The following PLEKHA2 variants were observed in gnomAD, a reference collection of about 807,000 sequenced individuals.
The protein encoded by PLEKHA2 is pleckstrin homology domain containing A2, also known as pleckstrin homology domain-containing family A member 2.
A neutral mutation model predicts 53.2 loss-of-function variants in PLEKHA2; 28 were observed. The ratio of observed to expected loss-of-function variants is 0.53; its 90% CI spans 0.39 to 0.72. The LOEUF is 0.72. Ranked by LOEUF, PLEKHA2 falls within the 30% of genes least tolerant of loss-of-function variation. PLEKHA2 has a pLI of 0.00. For missense variants in PLEKHA2, 426 were observed against 537.9 expected (o/e 0.79, Z 2.06); for synonymous variants, 193 against 196.4 (o/e 0.98, Z 0.14).
chr8:38,954,082 C>G (rs1402980357), intron 9 of PLEKHA2, among the ~76,000 whole-genome samples: 1 of 152,140 alleles, frequency 6.6e-6, no homozygotes, highest in Non-Finnish European at 1.5e-5. Context: ...AATCTGCAGT[C>G]TTTAGAGACA....
intron 10 of PLEKHA2, among the ~76,000 whole-genome samples, chr8:38,967,879 C>T (rs887289990): frequency 2.6e-5 from 4 of 152,062 alleles, no homozygotes; most frequent in East Asian, 1.9e-4. Context: ...CCAGGCTGGT[C>T]GTGAACTCCT....
chr8:38,912,357 TGA>T (rs1833966792), intron 1 of PLEKHA2, among the ~76,000 whole-genome samples: 1 of 152,112 alleles, frequency 6.6e-6, no homozygotes, highest in Non-Finnish European at 1.5e-5. Flanking sequence ...CAGAGTGTTG[TGA>T]GAGTTAGAAA....
intron 1 of PLEKHA2, among the ~76,000 whole-genome samples, chr8:38,912,158 G>A (rs563097276): frequency 1.1e-4 from 16 of 152,176 alleles, no homozygotes; most frequent in Middle Eastern, 3.4e-3. Context: ...AAAATTAGCC[G>A]GATGTGGTGG....
intron 10 of PLEKHA2, among the ~76,000 whole-genome samples, chr8:38,962,343 A>G (rs1472382870): frequency 1.3e-5 from 2 of 152,162 alleles, no homozygotes; most frequent in East Asian, 1.9e-4. Flanking sequence ...GCAAAAGTAA[A>G]CCAAAAGAAA....
chr8:38,948,313 G>A (rs1272679430), intron 5 of PLEKHA2, among the ~76,000 whole-genome samples: 1 of 152,140 alleles, frequency 6.6e-6, no homozygotes, highest in African/African-American at 2.4e-5. Flanking sequence ...GAGTCAGGCA[G>A]TCCTAGAGCC....
chr8:38,912,146 C>T (rs753293564), intron 1 of PLEKHA2, among the ~76,000 whole-genome samples: 4 of 151,992 alleles, frequency 2.6e-5, no homozygotes, highest in Non-Finnish European at 2.9e-5. Context: ...ACTAAAAATA[C>T]AAAAATTAGC....
chr8:38,908,979 C>G (rs1323465415), intron 1 of PLEKHA2, among the ~76,000 whole-genome samples: 1 of 152,074 alleles, frequency 6.6e-6, no homozygotes, highest in Non-Finnish European at 1.5e-5. Flanking sequence ...CCCATCTCTA[C>G]TAAAAATACA....
intron 3 of PLEKHA2, among the ~76,000 whole-genome samples, chr8:38,940,170 G>C (rs1834576620): frequency 1.3e-5 from 2 of 151,984 alleles, no homozygotes; most frequent in African/African-American, 4.8e-5. Flanking sequence ...GACCGAGGTG[G>C]GTGGATCACC....
At chr8:38,952,439 G>T in intron 7 of PLEKHA2, 127 bp downstream of exon 7, 1 of 1,427,202 alleles carries the variant, frequency 7.0e-7, no homozygotes, top group Non-Finnish European at 9.4e-7. Flanking sequence ...CTCCACCTTT[G>T]AGGGTGAGAT....
Position 38,968,661 on chromosome 8 carries a change from C to T in PLEKHA2, c.907C>T (p.His303Tyr). 1 of 1,613,972 alleles carries T rather than the reference C, an allele frequency of 6.2e-7. No individual in the cohort carries two copies. The highest frequency in any genetic ancestry group is 1.3e-5 in the African/African-American group (1 of 75,038). Residue 303 changes from histidine to tyrosine, a missense_variant, in exon 11 of 12, where the codon CAC becomes TAC. By Grantham distance (83) the His-to-Tyr change is moderately conservative (BLOSUM62 2). Coordinates refer to ENST00000617275, the MANE Select transcript of PLEKHA2 (RefSeq NM_021623.2). ...CGCAGCTGTCCAGGCCCTCAAGTGC[C>T]ACCCCAGAGTAAGTCACTTCCTTTC... ...IGAAVQALKC[H>Y]PRETSFSRSI...
intron 2 of PLEKHA2, among the ~76,000 whole-genome samples, chr8:38,926,184 A>G (rs1176492816): frequency 1.3e-5 from 2 of 152,184 alleles, no homozygotes; most frequent in African/African-American, 4.8e-5. Flanking sequence ...TGTGTAATTG[A>G]TATCTTAACT....
At chr8:38,915,709 C>A (rs62504363) in intron 1 of PLEKHA2, among the ~76,000 whole-genome samples, 23,670 of 152,222 alleles carry the variant, frequency 0.16, 1,910 homozygotes, top group Middle Eastern at 0.23. Context: ...AGATGCTGGG[C>A]CGGGGCTGTG....
At chr8:38,962,907 G>A (rs553199659) in intron 10 of PLEKHA2, among the ~76,000 whole-genome samples, 33 of 152,176 alleles carry the variant, frequency 2.2e-4, no homozygotes, top group Non-Finnish European at 3.5e-4. Flanking sequence ...TATGTAGTGT[G>A]CAATCTACAC....
chr8:38,941,487 C>T (rs1834612341), intron 3 of PLEKHA2, among the ~76,000 whole-genome samples: 1 of 152,188 alleles, frequency 6.6e-6, no homozygotes, highest in African/African-American at 2.4e-5. Flanking sequence ...TGTAGGCATT[C>T]AATTAAATGT....
intron 4 of PLEKHA2, among the ~76,000 whole-genome samples, chr8:38,944,141 G>A (rs1039098209): frequency 2.6e-5 from 4 of 151,928 alleles, no homozygotes; most frequent in Non-Finnish European, 5.9e-5. Context: ...GGTACATAAT[G>A]TATAGAGTAA....
At position 38,950,987 on chromosome 8, in the gene PLEKHA2, C is replaced by G; in HGVS notation, c.483C>G (p.Ser161Arg). ...GGGTGGTGGTCCACACACCCATCAGCCAGGTGAGGGGCCTGACTGGGGCTG... is the reference window on the plus strand; with the variant it reads ...GGGTGGTGGTCCACACACCCATCAGGCAGGTGAGGGGCCTGACTGGGGCTG... Reference protein sequence around the residue: ...IGGVVVHTPISQNGGDGQEGS... With the variant: ...IGGVVVHTPIRQNGGDGQEGS... Residue 161 changes from serine to arginine, a missense_variant, in exon 6 of 12, where the codon AGC becomes AGG. By Grantham distance (110) the Ser-to-Arg change is moderately radical (BLOSUM62 -1). Coordinates refer to ENST00000617275, the MANE Select transcript of PLEKHA2 (RefSeq NM_021623.2). 1 of 1,611,972 alleles carries G rather than the reference C, an allele frequency of 6.2e-7. No homozygotes were observed. Among genetic ancestry groups the G allele is most frequent in the Non-Finnish European group, 8.5e-7 (1 of 1,178,938 alleles).
chr8:38,925,610 G>A (rs1834272201), intron 2 of PLEKHA2, among the ~76,000 whole-genome samples: 1 of 152,222 alleles, frequency 6.6e-6, no homozygotes, highest in African/African-American at 2.4e-5. Flanking sequence ...TACTCCTGGG[G>A]TGCCAATGAA....
At chr8:38,924,341 C>A (rs1564116291) in intron 2 of PLEKHA2, among the ~76,000 whole-genome samples, 1 of 152,046 alleles carries the variant, frequency 6.6e-6, no homozygotes, top group Non-Finnish European at 1.5e-5. Context: ...AGGAGTCAGG[C>A]GCTGAGACAG....
At chr8:38,938,199 TA>T (rs1834532763) in intron 3 of PLEKHA2, among the ~76,000 whole-genome samples, 1 of 152,232 alleles carries the variant, frequency 6.6e-6, no homozygotes, top group African/African-American at 2.4e-5. Context: ...AAAGAACTTG[TA>T]GGGGCTCATG....
Sources: allele counts gnomAD v4.1 joint callset (sites outside exome capture counted in the v4.1 genomes callset), GRCh38; gene constraint gnomAD v4.1.1; transcripts MANE v1.5; gene names NCBI Gene and HGNC (gene_info 2026-07-23, HGNC 2026-07-21).